The following SPIDR variants were observed in gnomAD, a reference collection of about 807,000 sequenced individuals.
The protein encoded by SPIDR is DNA repair-scaffolding protein.
SPIDR carries 93 observed loss-of-function variants against 104.6 expected under a neutral mutation model. That is an observed-to-expected ratio of 0.89 (90% confidence interval 0.75 to 1.06). The LOEUF is 1.06. Among genes scored for constraint, SPIDR ranks in the 50% least tolerant of loss-of-function variants. SPIDR has a pLI of 0.00. For missense variants in SPIDR, 1,154 were observed against 1,111.2 expected (o/e 1.04, Z -0.55); for synonymous variants, 431 against 416.9 (o/e 1.03, Z -0.41).
chr8:47,277,244 T>A (rs1193427065), intron 1 of SPIDR, among the ~76,000 whole-genome samples: 3 of 152,014 alleles, frequency 2.0e-5, no homozygotes, highest in African/African-American at 7.2e-5. Context: ...TAGTTTTGGG[T>A]ATATACCGAG....
At chr8:47,366,335 G>C (rs1047366839) in intron 5 of SPIDR, among the ~76,000 whole-genome samples, 18 of 152,108 alleles carry the variant, frequency 1.2e-4, no homozygotes, top group Non-Finnish European at 1.9e-4. Flanking sequence ...TGAGGAGCTT[G>C]GATAGCTGTG....
intron 5 of SPIDR, among the ~76,000 whole-genome samples, chr8:47,391,995 C>CAAA (rs556134389): frequency 4.5e-4 from 21 of 46,454 alleles, no homozygotes; most frequent in African/African-American, 1.2e-3. Context: ...GACTCCGTCT[C>CAAA]AAAAAAAAAA....
intron 7 of SPIDR, among the ~76,000 whole-genome samples, chr8:47,418,463 T>G (rs2064787818): frequency 6.6e-6 from 1 of 152,212 alleles, no homozygotes; most frequent in Non-Finnish European, 1.5e-5. Context: ...TTTTGCAAAT[T>G]GATTTTGTAT....
chr8:47,493,735 T>C (rs1047020478), intron 8 of SPIDR, among the ~76,000 whole-genome samples: 18 of 152,174 alleles, frequency 1.2e-4, no homozygotes, highest in African/African-American at 4.3e-4. Flanking sequence ...CTAGTGACAA[T>C]TCTTTAAGAA....
At chr8:47,588,441 C>A (rs1327609085) in intron 8 of SPIDR, among the ~76,000 whole-genome samples, 1 of 151,702 alleles carries the variant, frequency 6.6e-6, no homozygotes. Context: ...TTTCTTCAAC[C>A]TTGCTTAATA....
intron 10 of SPIDR, among the ~76,000 whole-genome samples, chr8:47,601,970 T>C (rs973855135): frequency 6.6e-6 from 1 of 150,490 alleles, no homozygotes; most frequent in Non-Finnish European, 1.5e-5. Flanking sequence ...AGTTTACATA[T>C]CAAATTAATA....
intron 8 of SPIDR, among the ~76,000 whole-genome samples, chr8:47,485,224 C>T (rs2077400746): frequency 6.6e-6 from 1 of 152,182 alleles, no homozygotes; most frequent in South Asian, 2.1e-4. Flanking sequence ...TCGGAGGGTC[C>T]CACGCGCACG....
At chr8:47,362,373 T>A (rs1195736010) in intron 5 of SPIDR, among the ~76,000 whole-genome samples, 2 of 152,182 alleles carry the variant, frequency 1.3e-5, no homozygotes, top group African/African-American at 4.8e-5. Flanking sequence ...AGTCCTCCTA[T>A]GCATCCTGTG....
intron 10 of SPIDR, among the ~76,000 whole-genome samples, chr8:47,611,884 T>C (rs1410123126): frequency 2.0e-5 from 3 of 152,232 alleles, no homozygotes; most frequent in African/African-American, 7.2e-5. Flanking sequence ...AACTCATCAT[T>C]TGAATTAAAC....
chr8:47,268,818 G>A (rs1013356619), intron 1 of SPIDR, among the ~76,000 whole-genome samples: 17 of 152,180 alleles, frequency 1.1e-4, no homozygotes, highest in African/African-American at 4.1e-4. Flanking sequence ...TCATTTATTG[G>A]TTCTAATAAT....
At chr8:47,504,257 C>T (rs2081091420) in intron 8 of SPIDR, among the ~76,000 whole-genome samples, 1 of 152,222 alleles carries the variant, frequency 6.6e-6, no homozygotes, top group South Asian at 2.1e-4. Context: ...TTCTCCTCGT[C>T]ACTTTGAGGT....
At chr8:47,403,279 C>G (rs2062180445) in intron 6 of SPIDR, among the ~76,000 whole-genome samples, 1 of 152,190 alleles carries the variant, frequency 6.6e-6, no homozygotes, top group South Asian at 2.1e-4. Context: ...GAAGCATTTC[C>G]TTTGAAAACT....
At chr8:47,410,720 A>G (rs1470380941) in intron 7 of SPIDR, among the ~76,000 whole-genome samples, 5 of 152,090 alleles carry the variant, frequency 3.3e-5, no homozygotes, top group African/African-American at 9.7e-5. Flanking sequence ...CAGGTTTCTT[A>G]CATATGTATA....
At chr8:47,508,050 C>T (rs756595300) in intron 8 of SPIDR, among the ~76,000 whole-genome samples, 7 of 152,158 alleles carry the variant, frequency 4.6e-5, no homozygotes, top group Non-Finnish European at 8.8e-5. Flanking sequence ...CAAAAGGCTA[C>T]CCTGGGAGCA....
At chr8:47,306,434 C>T (rs2043109887) in intron 5 of SPIDR, among the ~76,000 whole-genome samples, 1 of 152,220 alleles carries the variant, frequency 6.6e-6, no homozygotes, top group Non-Finnish European at 1.5e-5. Flanking sequence ...AGCCACCGAG[C>T]CCGGCTAGAA....
At chr8:47,683,958 A>G (rs1482565722) in intron 11 of SPIDR, among the ~76,000 whole-genome samples, 4 of 151,736 alleles carry the variant, frequency 2.6e-5, no homozygotes, top group Non-Finnish European at 4.4e-5. Context: ...AACCCCGTCT[A>G]TACTAAAAAT....
Position 47,673,803 on chromosome 8 carries a change from C to A in SPIDR, c.1547C>A (p.Ala516Asp). 6.2e-7 allele frequency: 1 copy of A among 1,614,020 alleles called. No individual in the cohort carries two copies. Among genetic ancestry groups the A allele is most frequent in the Non-Finnish European group, 8.5e-7 (1 of 1,179,998 alleles). ...CAAATGTGAATGGTTTTTTACAGAG[C>A]CTGCCTTCTGGTACAAGATGCCTGT... ...SGHTDPAGTRACLLVQDACGM... is the reference protein window; with the variant it reads ...SGHTDPAGTRDCLLVQDACGM... The change falls in exon 11 of 20, where the codon GCC becomes GAC. Residue 516 changes from alanine to aspartate, a missense_variant and splice_region_variant. By Grantham distance (126) the Ala-to-Asp change is moderately radical. Transcript: ENST00000297423.
At chr8:47,686,140 G>A (rs2077784550) in intron 11 of SPIDR, among the ~76,000 whole-genome samples, 1 of 152,152 alleles carries the variant, frequency 6.6e-6, no homozygotes, top group Non-Finnish European at 1.5e-5. Flanking sequence ...AGCTCCTTAG[G>A]AGTCCAGCAG....
intron 1 of SPIDR, among the ~76,000 whole-genome samples, chr8:47,263,462 C>T (rs769699129): frequency 9.2e-5 from 14 of 151,876 alleles, no homozygotes; most frequent in Non-Finnish European, 1.5e-4. Flanking sequence ...TCGGTACAGG[C>T]GCCAGCCTCC....
Sources: gnomAD v4.1 joint callset for allele counts (sites outside exome capture counted in the v4.1 genomes callset) on GRCh38, gnomAD v4.1.1 for gene constraint, MANE v1.5 for transcripts, NCBI Gene and HGNC (gene_info 2026-07-23, HGNC 2026-07-21) for gene names.